The following GRIA2 variants were observed in gnomAD, a reference collection of about 807,000 sequenced individuals.
GRIA2 encodes glutamate ionotropic receptor AMPA type subunit 2.
A neutral mutation model predicts 97.3 loss-of-function variants in GRIA2; 14 were observed. That is an observed-to-expected ratio of 0.14 (90% confidence interval 0.10 to 0.23). GRIA2 has a LOEUF of 0.23. Among genes scored for constraint, GRIA2 ranks in the 10% least tolerant of loss-of-function variants. The pLI is 1.00. For synonymous variants in GRIA2, 412 were observed against 387.8 expected, an observed-to-expected ratio of 1.06 and a Z score of -0.73; for missense variants, 558 against 1,069.8, an observed-to-expected ratio of 0.52 and a Z score of 6.67.
At chr4:157,228,708 G>A (rs148833537) in intron 2 of GRIA2, among the ~76,000 whole-genome samples, 1 of 148,950 alleles carries the variant, frequency 6.7e-6, no homozygotes, top group Non-Finnish European at 1.5e-5. Context: ...CAGTAGGATC[G>A]GTTGAACCCA....
At chr4:157,315,253 T>C (rs1486061397) in intron 4 of GRIA2, among the ~76,000 whole-genome samples, 1 of 151,866 alleles carries the variant, frequency 6.6e-6, no homozygotes, top group Non-Finnish European at 1.5e-5. Flanking sequence ...ATTATACTAA[T>C]GGGATACACT....
chr4:157,253,421 T>C (rs1187279607), intron 2 of GRIA2, among the ~76,000 whole-genome samples: 1 of 152,072 alleles, frequency 6.6e-6, no homozygotes, highest in Admixed American at 6.6e-5. Flanking sequence ...CTGGCCCCTT[T>C]TTGTTTTAAT....
At chr4:157,246,874 T>A (rs1224774790) in intron 2 of GRIA2, among the ~76,000 whole-genome samples, 2 of 152,174 alleles carry the variant, frequency 1.3e-5, no homozygotes, top group African/African-American at 4.8e-5. Flanking sequence ...TTAAATGTAC[T>A]TGTTCATTTT....
At chr4:157,324,895 A>G (rs563222181) in intron 6 of GRIA2, among the ~76,000 whole-genome samples, 1 of 152,156 alleles carries the variant, frequency 6.6e-6, no homozygotes, top group Non-Finnish European at 1.5e-5. Flanking sequence ...GGAGTGAAAT[A>G]TTTCTAATGA....
At chr4:157,356,542 C>A (rs565908962) in intron 12 of GRIA2, among the ~76,000 whole-genome samples, 1 of 151,920 alleles carries the variant, frequency 6.6e-6, no homozygotes, top group Non-Finnish European at 1.5e-5. Context: ...CATTGCCTGG[C>A]GTTCATCTCC....
chr4:157,304,131 G>C (rs1015138550), intron 3 of GRIA2, among the ~76,000 whole-genome samples: 1 of 152,178 alleles, frequency 6.6e-6, no homozygotes, highest in South Asian at 2.1e-4. Flanking sequence ...GAAGTGGCTT[G>C]AGTACATTTA....
chr4:157,309,655 A>T (rs1009101892), intron 3 of GRIA2, among the ~76,000 whole-genome samples: 3 of 152,114 alleles, frequency 2.0e-5, no homozygotes, highest in African/African-American at 7.2e-5. Flanking sequence ...GATTTTATAC[A>T]TCATCTCTAT....
At chr4:157,355,344 A>G (rs1195538511) in intron 12 of GRIA2, among the ~76,000 whole-genome samples, 2 of 151,946 alleles carry the variant, frequency 1.3e-5, no homozygotes, top group Non-Finnish European at 2.9e-5. Flanking sequence ...CCTGGCCAAC[A>G]TGGTGAAACC....
At chr4:157,271,627 G>T (rs540553329) in intron 2 of GRIA2, among the ~76,000 whole-genome samples, 58 of 152,134 alleles carry the variant, frequency 3.8e-4, no homozygotes, top group African/African-American at 1.3e-3. Flanking sequence ...TTTTATGGAG[G>T]ATTCATCACA....
intron 6 of GRIA2, 66 bp from the exon 7 acceptor site, chr4:157,332,753 T>C: frequency 1.7e-6 from 2 of 1,203,372 alleles, no homozygotes; most frequent in East Asian, 2.4e-5. Flanking sequence ...GCAGTCTTGA[T>C]TGCTGGGGTG....
chr4:157,295,282 C>G (rs1470955616), intron 2 of GRIA2, among the ~76,000 whole-genome samples: 1 of 152,050 alleles, frequency 6.6e-6, no homozygotes, highest in Non-Finnish European at 1.5e-5. Context: ...TCTTCTACTG[C>G]TGAGTGATGA....
intron 12 of GRIA2, among the ~76,000 whole-genome samples, chr4:157,355,939 A>AT: frequency 2.8e-5 from 1 of 35,460 alleles, no homozygotes; most frequent in South Asian, 1.4e-3. Flanking sequence ...ATATTTATAT[A>AT]TTAATATATA....
chr4:157,259,679 A>G (rs539764198), intron 2 of GRIA2, among the ~76,000 whole-genome samples: 1 of 152,232 alleles, frequency 6.6e-6, no homozygotes, highest in Non-Finnish European at 1.5e-5. Context: ...CATTTTGTTT[A>G]CTACCAAGTC....
intron 9 of GRIA2, 122 bp from the exon 10 acceptor site, chr4:157,335,549 C>T: frequency 3.0e-6 from 2 of 661,908 alleles, no homozygotes; most frequent in South Asian, 3.6e-5. Context: ...TGTGTGTTCA[C>T]CATCTATATT....
intron 2 of GRIA2, 24 bp from the exon 3 acceptor site, chr4:157,303,528 T>A: frequency 6.2e-7 from 1 of 1,604,844 alleles, no homozygotes; most frequent in Non-Finnish European, 8.5e-7. Context: ...TGATTTTTCC[T>A]TTCTATTTTT....
At chr4:157,335,994 G>A (rs912327643) in intron 10 of GRIA2, 117 bp downstream of exon 10, 36 of 723,110 alleles carry the variant, frequency 5.0e-5, no homozygotes, top group Non-Finnish European at 7.1e-5. Context: ...CATTACTCTA[G>A]AAACATTATC....
At chr4:157,293,660 C>T (rs1733205148) in intron 2 of GRIA2, among the ~76,000 whole-genome samples, 1 of 151,976 alleles carries the variant, frequency 6.6e-6, no homozygotes, top group South Asian at 2.1e-4. Flanking sequence ...TTTTGAATTA[C>T]AGACATTTAA....
chr4:157,272,770 C>T (rs2126792694), intron 2 of GRIA2, among the ~76,000 whole-genome samples: 1 of 152,200 alleles, frequency 6.6e-6, no homozygotes, highest in African/African-American at 2.4e-5. Context: ...CCCAGCTGAC[C>T]TAGAGAAGGG....
intron 2 of GRIA2, among the ~76,000 whole-genome samples, chr4:157,227,399 T>G (rs1444695532): frequency 1.3e-5 from 2 of 152,170 alleles, no homozygotes; most frequent in African/African-American, 4.8e-5. Context: ...GAGCAGTTGT[T>G]TTTGAGTTAT....
Sources: allele counts gnomAD v4.1 joint callset (sites outside exome capture counted in the v4.1 genomes callset), GRCh38; gene constraint gnomAD v4.1.1; transcripts MANE v1.5; gene names NCBI Gene and HGNC (gene_info 2026-07-23, HGNC 2026-07-21).